The following LRP1B variants were observed in gnomAD, a reference collection of about 807,000 sequenced individuals.
The protein encoded by LRP1B is LDL receptor related protein 1B.
LRP1B carries 217 observed loss-of-function variants against 556.6 expected under a neutral mutation model. The observed-to-expected ratio is 0.39, with a 90% CI of 0.35 to 0.44. The LOEUF (loss-of-function observed/expected upper bound fraction) is 0.44. Among genes scored for constraint, LRP1B ranks in the 20% least tolerant of loss-of-function variants. The pLI is 1.00. For missense variants in LRP1B, 5,053 were observed against 5,620.8 expected (o/e 0.90, Z 3.23); for synonymous variants, 2,047 against 1,865.8 (o/e 1.10, Z -2.50).
chr2:141,864,058 T>C (rs1217202992), intron 1 of LRP1B, among the ~76,000 whole-genome samples: 2 of 152,170 alleles, frequency 1.3e-5, no homozygotes, highest in Non-Finnish European at 2.9e-5. Flanking sequence ...TTACAACATG[T>C]TGATGCTTTG....
intron 6 of LRP1B, among the ~76,000 whole-genome samples, chr2:141,211,987 T>C (rs961648613): frequency 6.6e-6 from 1 of 152,164 alleles, no homozygotes; most frequent in Non-Finnish European, 1.5e-5. Flanking sequence ...GCCACTTTTA[T>C]GTTTCTATAT....
chr2:142,109,470 C>T (rs1483372172), intron 1 of LRP1B, among the ~76,000 whole-genome samples: 1 of 152,098 alleles, frequency 6.6e-6, no homozygotes, highest in African/African-American at 2.4e-5. Flanking sequence ...TAGAACAAGG[C>T]TTGAATTTAC....
chr2:140,611,162 G>A (rs13396283), intron 41 of LRP1B, among the ~76,000 whole-genome samples: 34,784 of 152,098 alleles, frequency 0.23, 4,262 homozygotes, highest in Admixed American at 0.3. Context: ...ATGTGAGTGA[G>A]TTTCTGAACT....
intron 2 of LRP1B, among the ~76,000 whole-genome samples, chr2:141,540,754 A>G (rs1290370603): frequency 6.6e-6 from 1 of 152,062 alleles, no homozygotes; most frequent in East Asian, 1.9e-4. Context: ...TTTTAGGATC[A>G]CTGAAATATA....
intron 90 of LRP1B, 136 bp from the exon 91 acceptor site, chr2:140,233,462 T>C: frequency 1.9e-6 from 1 of 534,022 alleles, no homozygotes; most frequent in Non-Finnish European, 3.1e-6. Context: ...AGTAATGATT[T>C]AAAGGTTATT....
chr2:140,347,401 A>T (rs2105108941), intron 77 of LRP1B, among the ~76,000 whole-genome samples: 1 of 151,880 alleles, frequency 6.6e-6, no homozygotes, highest in African/African-American at 2.4e-5. Flanking sequence ...TTAAATTTAT[A>T]ATAATTATTA....
chr2:140,899,719 T>C (rs1414295110), intron 23 of LRP1B, among the ~76,000 whole-genome samples: 3 of 152,180 alleles, frequency 2.0e-5, no homozygotes, highest in Admixed American at 6.5e-5. Context: ...GAAGCACCAA[T>C]ACAACACTAA....
intron 2 of LRP1B, among the ~76,000 whole-genome samples, chr2:141,525,429 A>C (rs2105181585): frequency 6.6e-6 from 1 of 152,194 alleles, no homozygotes; most frequent in Non-Finnish European, 1.5e-5. Flanking sequence ...TTAGCTGTGT[A>C]ATCAATTTTG....
Position 140,716,063 on chromosome 2 carries a change from T to C in LRP1B, c.5933A>G (p.Glu1978Gly), listed in dbSNP as rs758776202. 6.2e-7 allele frequency: 1 copy of C among 1,607,782 alleles called. No individual in the cohort carries two copies. Among genetic ancestry groups the C allele is most frequent in the East Asian group, 2.2e-5 (1 of 44,704 alleles). ...YWTDHGFNLI[E>G]VARLNGSFRY... ...GAAAGAACCATTGAGTCTTGCAACTTCAATTAAGTTGAAACCATGATCTGT... is the reference window on the plus strand; with the variant it reads ...GAAAGAACCATTGAGTCTTGCAACTCCAATTAAGTTGAAACCATGATCTGT... The change falls in exon 37 of 91, where the codon GAA (glutamate) becomes GGA (glycine). Residue 1978 changes from glutamate to glycine, a missense_variant. Glu to Gly is a moderately conservative substitution (Grantham distance 98, BLOSUM62 -2). Coordinates refer to ENST00000389484, the MANE Select transcript of LRP1B (RefSeq NM_018557.3).
chr2:141,031,598 G>A (rs963225632), intron 11 of LRP1B, among the ~76,000 whole-genome samples: 1 of 151,870 alleles, frequency 6.6e-6, no homozygotes, highest in Non-Finnish European at 1.5e-5. Flanking sequence ...TAGTTCTGAA[G>A]CTATTTTTTA....
At chr2:140,330,006 C>T (rs1192057189) in intron 79 of LRP1B, among the ~76,000 whole-genome samples, 1 of 151,664 alleles carries the variant, frequency 6.6e-6, no homozygotes, top group African/African-American at 2.4e-5. Flanking sequence ...TCAAGACCAG[C>T]CTGGCCAACA....
chr2:141,682,687 G>T (rs1013761528), intron 2 of LRP1B, among the ~76,000 whole-genome samples: 1 of 152,096 alleles, frequency 6.6e-6, no homozygotes, highest in Non-Finnish European at 1.5e-5. Context: ...GGCATTTGGG[G>T]ATAGAAGGGT....
intron 1 of LRP1B, among the ~76,000 whole-genome samples, chr2:141,853,162 G>T (rs1391513242): frequency 6.6e-6 from 1 of 151,464 alleles, no homozygotes; most frequent in East Asian, 1.9e-4. Flanking sequence ...AATATCTACA[G>T]ATTCTACAAA....
chr2:141,301,703 A>G (rs973573386), intron 3 of LRP1B, among the ~76,000 whole-genome samples: 1 of 152,206 alleles, frequency 6.6e-6, no homozygotes, highest in Non-Finnish European at 1.5e-5. Context: ...TTGCCCCAGG[A>G]GTATATACTG....
At chr2:141,151,360 G>A (rs1024569402) in intron 7 of LRP1B, among the ~76,000 whole-genome samples, 1 of 152,104 alleles carries the variant, frequency 6.6e-6, no homozygotes, top group Non-Finnish European at 1.5e-5. Context: ...AAAAAGCCAT[G>A]CAGGCATATC....
At chr2:141,972,891 G>T (rs1027090349) in intron 1 of LRP1B, among the ~76,000 whole-genome samples, 1 of 151,162 alleles carries the variant, frequency 6.6e-6, no homozygotes, top group African/African-American at 2.4e-5. Context: ...TTTTCTAAAG[G>T]GATTAATAGA....
chr2:141,838,371 G>A (rs1697360988), intron 1 of LRP1B, among the ~76,000 whole-genome samples: 1 of 152,144 alleles, frequency 6.6e-6, no homozygotes. Flanking sequence ...TGATGTCATT[G>A]ATTTCCTTCT....
intron 2 of LRP1B, among the ~76,000 whole-genome samples, chr2:141,555,247 T>A (rs1243871453): frequency 1.3e-5 from 2 of 151,980 alleles, no homozygotes; most frequent in Non-Finnish European, 2.9e-5. Context: ...GCACAGAAAC[T>A]GTAGCAATCA....
intron 66 of LRP1B, among the ~76,000 whole-genome samples, chr2:140,390,801 CACACAA>C (rs1353583703): frequency 1.6e-3 from 219 of 137,052 alleles, no homozygotes; most frequent in Non-Finnish European, 9.8e-4. Flanking sequence ...CACACACACA[CACACAA>C]CATATTTGAG....
Sources: allele counts gnomAD v4.1 joint callset (sites outside exome capture counted in the v4.1 genomes callset), GRCh38; gene constraint gnomAD v4.1.1; transcripts MANE v1.5; gene names NCBI Gene and HGNC (gene_info 2026-07-23, HGNC 2026-07-21).